Variants in TPTE observed in about 807,000 individuals in gnomAD.
TPTE encodes transmembrane phosphatase with tensin homology, also known as putative tyrosine-protein phosphatase TPTE.
In TPTE, 59 loss-of-function variants were observed where a neutral mutation model predicts 84.1. The ratio of observed to expected loss-of-function variants is 0.70; its 90% CI spans 0.57 to 0.87. TPTE has a LOEUF of 0.87. Ranked by LOEUF, TPTE falls within the 40% of genes least tolerant of loss-of-function variation. The pLI, the probability that TPTE is intolerant of heterozygous loss-of-function variation, is 0.00. For synonymous variants in TPTE, 130 were observed against 223.5 expected, an observed-to-expected ratio of 0.58 and a Z score of 3.73; for missense variants, 382 against 659.6, an observed-to-expected ratio of 0.58 and a Z score of 4.61.
At chr21:10,551,937 A>G (rs377038829) in intron 7 of TPTE, among the ~76,000 whole-genome samples, 7,499 of 148,718 alleles carry the variant, frequency 0.05, no homozygotes, top group South Asian at 0.072. Context: ...AACAAAGTCC[A>G]GGACCTGATG....
intron 8 of TPTE, among the ~76,000 whole-genome samples, chr21:10,556,368 G>A (rs1401014173): frequency 6.6e-6 from 1 of 152,308 alleles, no homozygotes; most frequent in Non-Finnish European, 1.5e-5. Flanking sequence ...CAAAGGACAT[G>A]AACTCATCCT....
intron 8 of TPTE, among the ~76,000 whole-genome samples, chr21:10,558,332 C>G (rs1173862194): frequency 2.6e-5 from 4 of 152,308 alleles, no homozygotes; most frequent in African/African-American, 7.2e-5. Context: ...TGCCATAGTA[C>G]TTTTTACAGT....
At chr21:10,522,290 C>G (rs1390885645) in intron 1 of TPTE, among the ~76,000 whole-genome samples, 10 of 152,360 alleles carry the variant, frequency 6.6e-5, no homozygotes, top group African/African-American at 1.7e-4. Context: ...GTCACACTCA[C>G]GCTGCACGAT....
chr21:10,562,268 G>A lies in TPTE; in HGVS notation c.446+1077G>A, dbSNP rs536385020. Among the ~76,000 whole-genome samples the A allele has an allele frequency of 2.6e-5, 4 of 152,428 alleles. No homozygotes were observed. In the East Asian group the frequency reaches 7.7e-4, roughly 29 times the overall value. On this transcript the variant is annotated intron_variant, in intron 10 of 23. Coordinates refer to ENST00000618007, the MANE Select transcript of TPTE (RefSeq NM_199261.4). ...TGGAAAGCCTTCCCAAGAAAGATGG[G>A]TACAAACAAGCCCTGACAGTGAAAA...
chr21:10,572,469 A>C (rs1485731182), intron 14 of TPTE, among the ~76,000 whole-genome samples: 108 of 150,128 alleles, frequency 7.2e-4, no homozygotes, highest in African/African-American at 2.4e-3. Context: ...AAAAAAAAAA[A>C]AAAGGAAATG....
At chr21:10,531,352 C>T (rs1202213986) in intron 3 of TPTE, among the ~76,000 whole-genome samples, 10 of 152,306 alleles carry the variant, frequency 6.6e-5, no homozygotes, top group African/African-American at 1.7e-4. Flanking sequence ...AAGAGACAAG[C>T]GGCTTCCCGC....
intron 2 of TPTE, among the ~76,000 whole-genome samples, chr21:10,524,990 G>A (rs2074053290): frequency 6.6e-6 from 1 of 152,310 alleles, no homozygotes; most frequent in Admixed American, 6.5e-5. Context: ...TAGGCAGTGT[G>A]ATAATATGCA....
At chr21:10,523,036 A>G (rs1172047581) in intron 1 of TPTE, among the ~76,000 whole-genome samples, 18 of 152,422 alleles carry the variant, frequency 1.2e-4, no homozygotes, top group African/African-American at 4.3e-4. Context: ...TGTTTAGAAA[A>G]CACTAAGCAA....
chr21:10,565,998 A>G (rs960015156), intron 10 of TPTE, among the ~76,000 whole-genome samples: 5 of 152,310 alleles, frequency 3.3e-5, no homozygotes, highest in East Asian at 1.9e-4. Context: ...CAAAGCAAAA[A>G]TGGGCAAATG....
intron 10 of TPTE, among the ~76,000 whole-genome samples, chr21:10,563,482 T>C (rs576852762): frequency 7.2e-5 from 11 of 152,306 alleles, no homozygotes. Flanking sequence ...AAGATATAAA[T>C]AGAAATAACA....
At chr21:10,594,445 T>C (rs1344096930) in intron 19 of TPTE, among the ~76,000 whole-genome samples, 3 of 152,308 alleles carry the variant, frequency 2.0e-5, no homozygotes, top group Admixed American at 6.5e-5. Context: ...TTTCTCATAA[T>C]GTTTTCTTTG....
At chr21:10,524,038 G>A (rs368583049) in intron 1 of TPTE, among the ~76,000 whole-genome samples, 11 of 152,306 alleles carry the variant, frequency 7.2e-5, no homozygotes, top group Non-Finnish European at 1.2e-4. Flanking sequence ...GGCCAAGCTC[G>A]TTCTATTCCC....
At chr21:10,522,360 T>C (rs966456970) in intron 1 of TPTE, among the ~76,000 whole-genome samples, 2 of 148,944 alleles carry the variant, frequency 1.3e-5, no homozygotes, top group Non-Finnish European at 3.0e-5. Flanking sequence ...GGTCCGGGGG[T>C]CTGCGGGGGT....
intron 19 of TPTE, among the ~76,000 whole-genome samples, chr21:10,592,892 A>T (rs6582744): frequency 0.061 from 8,069 of 132,270 alleles, 1 homozygote; most frequent in African/African-American, 0.21. Context: ...GGGAAAATAA[A>T]CTTTTCAAAA....
chr21:10,540,786 AATGGGATT>A, intron 4 of TPTE: 1 of 527,696 alleles, frequency 1.9e-6, no homozygotes, highest in Non-Finnish European at 3.8e-6. Context: ...GAGGAACTCA[AATGGGATT>A]ATAAGAAGGG....
intron 6 of TPTE, among the ~76,000 whole-genome samples, chr21:10,542,725 A>ATG (rs2074393665): frequency 4.9e-4 from 74 of 152,380 alleles, no homozygotes; most frequent in Admixed American, 4.6e-4. Flanking sequence ...TACTCTCAGG[A>ATG]GCCTGCATGG....
At chr21:10,541,868 C>T (rs2074376281) in intron 5 of TPTE, among the ~76,000 whole-genome samples, 1 of 152,310 alleles carries the variant, frequency 6.6e-6, no homozygotes, top group African/African-American at 2.4e-5. Flanking sequence ...AGCTATGAGC[C>T]TTGGAGGTGT....
chr21:10,527,654 C>CA, intron 3 of TPTE, among the ~76,000 whole-genome samples: 1 of 152,308 alleles, frequency 6.6e-6, no homozygotes, highest in Admixed American at 6.5e-5. Context: ...AAGAGTGGTC[C>CA]AAGAGAGGAG....
intron 13 of TPTE, 34 bp from the exon 14 acceptor site, chr21:10,570,451 T>G (rs779585117): frequency 2.5e-6 from 4 of 1,614,012 alleles, no homozygotes; most frequent in Non-Finnish European, 3.4e-6. Flanking sequence ...AAATCTATAA[T>G]AATGTTTGTA....
Sources: allele counts gnomAD v4.1 joint callset (sites outside exome capture counted in the v4.1 genomes callset), GRCh38; gene constraint gnomAD v4.1.1; transcripts MANE v1.5; gene names NCBI Gene and HGNC (gene_info 2026-07-23, HGNC 2026-07-21).